Variants in APLF observed in about 807,000 individuals in gnomAD.
The protein encoded by APLF is aprataxin and PNK-like factor.
In APLF, 61 loss-of-function variants were observed where a neutral mutation model predicts 55.6. That is an observed-to-expected ratio of 1.10 (90% CI 0.89 to 1.36). The LOEUF is 1.36. APLF is among the 40% of genes most tolerant of loss of function. The pLI is 0.00. For missense variants in APLF, 611 were observed against 602.5 expected (o/e 1.01, Z -0.15); for synonymous variants, 207 against 214.8 (o/e 0.96, Z 0.32).
At chr2:68,564,910 A>G (rs1671258511) in intron 8 of APLF, among the ~76,000 whole-genome samples, 2 of 152,064 alleles carry the variant, frequency 1.3e-5, no homozygotes, top group Admixed American at 6.6e-5. Context: ...TTTGAATTAA[A>G]ACTGTTGTCC....
At chr2:68,498,162 A>G (rs1676615943) in intron 2 of APLF, among the ~76,000 whole-genome samples, 1 of 152,196 alleles carries the variant, frequency 6.6e-6, no homozygotes, top group South Asian at 2.1e-4. Flanking sequence ...TTTTATCTTA[A>G]TGTTTGTTAA....
At chr2:68,467,952 T>A in intron 1 of APLF, 125 bp downstream of exon 1, 1 of 656,772 alleles carries the variant, frequency 1.5e-6, no homozygotes, top group Non-Finnish European at 2.2e-6. Context: ...ATTTTAGAAG[T>A]TTGGGGCCGC....
Position 68,545,355 on chromosome 2 carries a change from T to C in APLF, c.1286+43T>C, listed in dbSNP as rs1335625397. ...TTGGCTGCACTCCTTTTCTTTCTTA[T>C]CTCTGTTACTTATCTAGGAGAAACT... On this transcript the variant is annotated intron_variant, in intron 8 of 9. Transcript: ENST00000303795. 4 of 1,582,292 alleles carry C rather than the reference T, an allele frequency of 2.5e-6. No homozygotes were observed. In the South Asian group the frequency reaches 4.7e-5, roughly 19 times the overall value.
chr2:68,486,094 T>C (rs114578044), intron 1 of APLF, among the ~76,000 whole-genome samples: 1,625 of 152,234 alleles, frequency 0.011, 42 homozygotes, highest in African/African-American at 0.037. Flanking sequence ...ATTTGGTCAA[T>C]CAGAGTTTTT....
chr2:68,544,868 T>C (rs1670656025), intron 7 of APLF, among the ~76,000 whole-genome samples: 1 of 152,174 alleles, frequency 6.6e-6, no homozygotes. Context: ...TATATATTTA[T>C]GATATTTATG....
At chr2:68,495,820 C>T (rs916855082) in intron 2 of APLF, among the ~76,000 whole-genome samples, 1 of 152,246 alleles carries the variant, frequency 6.6e-6, no homozygotes, top group Non-Finnish European at 1.5e-5. Flanking sequence ...AGGCTTAACA[C>T]CGTGTGAGAG....
rs200333625 is a variant in APLF, at chr2:68,523,994, T to TA, written c.623-2067_623-2066insA. ...AACTTGAGTATTTTAAATATATATA[T>TA]TTTTTAATTTTAGAATTTTGAGTAC... On this transcript the variant is annotated intron_variant, in intron 5 of 9. Coordinates refer to ENST00000303795, the MANE Select transcript of APLF (RefSeq NM_173545.3). 3.2e-3 allele frequency among the ~76,000 whole-genome samples: 485 copies of TA among 151,992 alleles called. 3 individuals are homozygous for TA. Among genetic ancestry groups the TA allele is most frequent in the East Asian group, 0.014 (72 of 5,188 alleles).
intron 9 of APLF, among the ~76,000 whole-genome samples, chr2:68,572,942 G>A (rs2104081050): frequency 6.6e-6 from 1 of 152,276 alleles, no homozygotes; most frequent in Non-Finnish European, 1.5e-5. Context: ...CTCTGCAGTA[G>A]TTTGAAGACT....
At chr2:68,518,529 T>G (rs1411133467) in intron 5 of APLF, among the ~76,000 whole-genome samples, 1 of 116,726 alleles carries the variant, frequency 8.6e-6, no homozygotes, top group East Asian at 2.4e-4. Context: ...TTATATTATA[T>G]ATTAATATAT....
intron 2 of APLF, among the ~76,000 whole-genome samples, chr2:68,495,651 C>CGATG (rs1331527916): frequency 6.6e-6 from 1 of 152,244 alleles, no homozygotes; most frequent in Non-Finnish European, 1.5e-5. Flanking sequence ...GACCTCCCAT[C>CGATG]CCACATTTAT....
At chr2:68,564,237 C>A (rs1671238551) in intron 8 of APLF, among the ~76,000 whole-genome samples, 2 of 152,074 alleles carry the variant, frequency 1.3e-5, no homozygotes, top group Non-Finnish European at 2.9e-5. Flanking sequence ...CTGTCTTCAT[C>A]ACAACTAAGT....
chr2:68,489,811 A>G (rs1157538532), intron 1 of APLF, among the ~76,000 whole-genome samples: 1 of 152,054 alleles, frequency 6.6e-6, no homozygotes, highest in African/African-American at 2.4e-5. Context: ...ATGACATACT[A>G]TATGTTTCTT....
chr2:68,473,940 G>A (rs1253758917), intron 1 of APLF, among the ~76,000 whole-genome samples: 1 of 152,190 alleles, frequency 6.6e-6, no homozygotes, highest in Non-Finnish European at 1.5e-5. Flanking sequence ...CAGTTCCCAA[G>A]ATTTCCCCCC....
chr2:68,518,802 T>C (rs1320331486), intron 5 of APLF, among the ~76,000 whole-genome samples: 1 of 21,614 alleles, frequency 4.6e-5, no homozygotes, highest in Non-Finnish European at 7.2e-5. Flanking sequence ...ATTAATAATC[T>C]ATCATATAAT....
chr2:68,480,011 A>C (rs1369537979), intron 1 of APLF, among the ~76,000 whole-genome samples: 1 of 152,198 alleles, frequency 6.6e-6, no homozygotes, highest in African/African-American at 2.4e-5. Flanking sequence ...TTATTATAAG[A>C]ATATACTGTA....
intron 5 of APLF, among the ~76,000 whole-genome samples, chr2:68,518,733 CAT>C: frequency 8.9e-6 from 1 of 112,814 alleles, no homozygotes; most frequent in Admixed American, 9.9e-5. Flanking sequence ...ATTAATATAT[CAT>C]GAATATATCA....
At chr2:68,543,265 A>C (rs1033942390) in intron 7 of APLF, among the ~76,000 whole-genome samples, 1 of 152,150 alleles carries the variant, frequency 6.6e-6, no homozygotes, top group Non-Finnish European at 1.5e-5. Context: ...GTTGCACAAC[A>C]ATGTGAATAT....
intron 9 of APLF, among the ~76,000 whole-genome samples, chr2:68,569,766 G>A (rs1671402441): frequency 6.6e-6 from 1 of 152,064 alleles, no homozygotes; most frequent in Non-Finnish European, 1.5e-5. Flanking sequence ...TTTGAAGGAT[G>A]AATCAAGAGG....
At chr2:68,512,944 A>G (rs1025910565) in intron 3 of APLF, 136 bp from the exon 4 acceptor site, 4 of 620,414 alleles carry the variant, frequency 6.4e-6, no homozygotes, top group Non-Finnish European at 1.1e-5. Flanking sequence ...TCTAGTCTAT[A>G]TATTCTAGTA....
Sources: gnomAD v4.1 joint callset for allele counts (sites outside exome capture counted in the v4.1 genomes callset) on GRCh38, gnomAD v4.1.1 for gene constraint, MANE v1.5 for transcripts, NCBI Gene and HGNC (gene_info 2026-07-23, HGNC 2026-07-21) for gene names.